Variants in SV2B observed in about 807,000 individuals in gnomAD.
SV2B encodes the protein solute carrier family 22 member B2.
Under a neutral mutation model 73.9 loss-of-function variants are expected in SV2B, and 41 were observed. The observed-to-expected ratio is 0.56, with a 90% CI of 0.43 to 0.72. SV2B has a LOEUF of 0.72. Ranked by LOEUF, SV2B falls within the 30% of genes least tolerant of loss-of-function variation. SV2B has a pLI of 0.00. For missense variants in SV2B, 764 were observed against 857.8 expected (o/e 0.89, Z 1.37); for synonymous variants, 314 against 314.2 (o/e 1.00, Z 0.01).
At position 91,197,565 on chromosome 15, in the gene SV2B, C is replaced by CAAACA. The variant is rs1555482200; in HGVS notation, c.-391-28294_-391-28290dup. Among the ~76,000 whole-genome samples, 2 of 150,684 alleles carry CAAACA rather than the reference C, an allele frequency of 1.3e-5. No individual in the cohort carries two copies. The highest frequency in any genetic ancestry group is 1.9e-4 in the East Asian group (1 of 5,172). ...GAAGAAAAAAAAAACCAAACCAAAC[C>CAAACA]AAACAAAACAAAACAAAATCACTGT... On this transcript the variant is annotated intron_variant, in intron 1 of 12. Transcript: ENST00000394232. The surrounding 1 kb of genome is among the most constrained non-coding windows in gnomAD (Gnocchi z 4.9).
rs2041894258 is a variant in SV2B at position 91,106,723 on chromosome 15, G to GT, written c.-392+6361dup. On this transcript the variant is annotated intron_variant, in intron 1 of 12. Transcript: ENST00000394232. This position sits in a 1 kb window ranked among gnomAD's most constrained non-coding sequence, Gnocchi z 4.4. ...AGGGAGGTGGCTGAAATTCAGGGGT[G>GT]TGATGTTCTTGGGTTATTATTGTAC... Among the ~76,000 whole-genome samples, 1 of 152,200 alleles carries GT rather than the reference G, an allele frequency of 6.6e-6. No homozygotes were observed.
intron 1 of SV2B, among the ~76,000 whole-genome samples, chr15:91,147,965 C>CTTTTTTTTTTTTTT (rs60896008): frequency 7.6e-5 from 3 of 39,298 alleles, no homozygotes; most frequent in African/African-American, 1.0e-4. Flanking sequence ...CCCCCCCCAA[C>CTTTTTTTTTTTTTT]TTTTTTTTTT....
At chr15:91,185,869 G>C (rs2044750753) in intron 1 of SV2B, among the ~76,000 whole-genome samples, 1 of 152,162 alleles carries the variant, frequency 6.6e-6, no homozygotes, top group Non-Finnish European at 1.5e-5. Flanking sequence ...CTGGTCCCAA[G>C]CTCCACATCA....
At chr15:91,142,051 G>C (rs1425418454) in intron 1 of SV2B, among the ~76,000 whole-genome samples, 1 of 152,116 alleles carries the variant, frequency 6.6e-6, no homozygotes, top group Non-Finnish European at 1.5e-5. Flanking sequence ...TGAACCCTAA[G>C]AGCTGGATAT....
chr15:91,128,480 A>C lies in SV2B; in HGVS notation c.-392+28117A>C, dbSNP rs2042550878. On this transcript the variant is annotated intron_variant, in intron 1 of 12. Transcript: ENST00000394232. The surrounding 1 kb of genome is among the most constrained non-coding windows in gnomAD (Gnocchi z 4.2). ...TATTGGCGCTCAGAAAACAATATCC[A>C]AAAATGAAGGCCTCAGAAGCGAAAG... Among the ~76,000 whole-genome samples the C allele has an allele frequency of 6.6e-6, 1 of 152,190 alleles. No homozygotes were observed. The highest frequency in any genetic ancestry group is 6.5e-5 in the Admixed American group (1 of 15,288).
intron 1 of SV2B, among the ~76,000 whole-genome samples, chr15:91,163,413 T>C (rs186530425): frequency 6.6e-5 from 10 of 152,322 alleles, no homozygotes; most frequent in Non-Finnish European, 1.2e-4. Context: ...CTCCACATCC[T>C]CTCCAGTACC....
Position 91,268,966 on chromosome 15 carries a change from G to C in SV2B, c.1373+361G>C, listed in dbSNP as rs1015106236. Among the ~76,000 whole-genome samples, 1 of 152,198 alleles carries C rather than the reference G, an allele frequency of 6.6e-6. No homozygotes were observed. Among genetic ancestry groups the C allele is most frequent in the Non-Finnish European group, 1.5e-5 (1 of 68,022 alleles). On this transcript the variant is annotated intron_variant, in intron 9 of 12. Transcript: ENST00000394232. The surrounding 1 kb of genome is among the most constrained non-coding windows in gnomAD (Gnocchi z 4.4). Reference sequence around the variant, plus strand: ...GCTGAGATTCCCGAACTAGTCCAAAGCCTGGGTGTTGAGCTTTTACTTTGA... The same window carrying C: ...GCTGAGATTCCCGAACTAGTCCAAACCCTGGGTGTTGAGCTTTTACTTTGA...
chr15:91,274,048 A>G (rs2048404560), intron 9 of SV2B, among the ~76,000 whole-genome samples: 2 of 152,224 alleles, frequency 1.3e-5, no homozygotes, highest in African/African-American at 2.4e-5. Flanking sequence ...AGAAAACTAT[A>G]TAACTCAATG....
intron 9 of SV2B, among the ~76,000 whole-genome samples, chr15:91,270,750 G>C (rs1211014536): frequency 1.3e-5 from 2 of 151,916 alleles, no homozygotes; most frequent in Non-Finnish European, 2.9e-5. Context: ...GAGGAAACAG[G>C]GGCTGAAGAA....
intron 2 of SV2B, among the ~76,000 whole-genome samples, chr15:91,249,613 A>C (rs1382249091): frequency 6.6e-6 from 1 of 152,236 alleles, no homozygotes; most frequent in Non-Finnish European, 1.5e-5. Context: ...AACAAAACTG[A>C]CAGACTTTTA....
intron 1 of SV2B, among the ~76,000 whole-genome samples, chr15:91,166,414 C>G (rs2043912729): frequency 6.6e-6 from 1 of 151,934 alleles, no homozygotes; most frequent in South Asian, 2.1e-4. Context: ...TATAATGTGT[C>G]TGGTCATAGT....
rs1387105473 is a variant in SV2B, at chr15:91,106,360, T to G, written c.-392+5997T>G. 1.3e-5 allele frequency among the ~76,000 whole-genome samples: 2 copies of G among 152,228 alleles called. No homozygotes were observed. The highest frequency in any genetic ancestry group is 3.8e-4 in the East Asian group (2 of 5,200). Reference sequence around the variant, plus strand: ...TTTATTTTTCCGTGAGCCAAGTCACTGCTGTATCACTAGTGCCCAGAATAT... The same window carrying G: ...TTTATTTTTCCGTGAGCCAAGTCACGGCTGTATCACTAGTGCCCAGAATAT... On this transcript the variant is annotated intron_variant, in intron 1 of 12. Transcript: ENST00000394232. The surrounding 1 kb of genome is among the most constrained non-coding windows in gnomAD (Gnocchi z 4.4).
rs1286138160 is a variant in SV2B, at chr15:91,293,074, G to T, written c.*522G>T. 6.6e-6 allele frequency: 1 copy of T among 152,454 alleles called. No individual in the cohort carries two copies. The highest frequency in any genetic ancestry group is 1.5e-5 in the Non-Finnish European group (1 of 68,270). 9.4% of individuals were successfully genotyped at this position (152,454 alleles called of 1,614,324 possible). On this transcript the variant is annotated 3_prime_UTR_variant, in exon 13 of 13. Coordinates refer to ENST00000394232, the MANE Select transcript of SV2B (RefSeq NM_001323032.3). ...TTTCCACTCGAAAATTGACATAGTA[G>T]CATTGAGGATACTCTGATCTAGAAA...
chr15:91,171,180 G>A (rs557773769), intron 1 of SV2B, among the ~76,000 whole-genome samples: 18 of 152,114 alleles, frequency 1.2e-4, no homozygotes, highest in African/African-American at 2.7e-4. Flanking sequence ...TCATGGTGTC[G>A]GGGTCCCTGG....
rs190666567 is a variant in SV2B, at chr15:91,123,430, A to T, written c.-392+23067A>T. ...ATTTTATATATAACAAATATACATA[A>T]TTTTTATTTGTCAATTAAAAGAAAG... On this transcript the variant is annotated intron_variant, in intron 1 of 12. Transcript: ENST00000394232. This position sits in a 1 kb window ranked among gnomAD's most constrained non-coding sequence, Gnocchi z 4.7. Among the ~76,000 whole-genome samples the T allele has an allele frequency of 2.6e-5, 4 of 152,320 alleles. No homozygotes were observed. The highest frequency in any genetic ancestry group is 9.6e-5 in the African/African-American group (4 of 41,576).
chr15:91,178,693 G>C (rs985385698), intron 1 of SV2B, among the ~76,000 whole-genome samples: 1 of 151,620 alleles, frequency 6.6e-6, no homozygotes, highest in Admixed American at 6.6e-5. Flanking sequence ...GGTGTTTGTA[G>C]TATTCTCTGG....
chr15:91,219,091 G>A (rs1296688219), intron 1 of SV2B, among the ~76,000 whole-genome samples: 1 of 152,092 alleles, frequency 6.6e-6, no homozygotes, highest in African/African-American at 2.4e-5. Flanking sequence ...TGGCACTACA[G>A]GTGTGCACCA....
chr15:91,169,647 A>T (rs187240474), intron 1 of SV2B, among the ~76,000 whole-genome samples: 1 of 152,322 alleles, frequency 6.6e-6, no homozygotes, highest in Non-Finnish European at 1.5e-5. Context: ...TGGAGCTTAC[A>T]TTCTAATGTG....
Position 91,122,233 on chromosome 15 carries a change from G to A in SV2B, c.-392+21870G>A, listed in dbSNP as rs542368945. On this transcript the variant is annotated intron_variant, in intron 1 of 12. Transcript: ENST00000394232. The surrounding 1 kb of genome is among the most constrained non-coding windows in gnomAD (Gnocchi z 4.3). ...CGATATATGTTCCATTAAAGCCAGG[G>A]GTGTCGTAGATGCAGGTACAATGAG... 3.9e-5 allele frequency among the ~76,000 whole-genome samples: 6 copies of A among 152,284 alleles called. No individual in the cohort carries two copies. The East Asian group carries it at 9.6e-4, about 24-fold the overall frequency.
Sources: allele counts gnomAD v4.1 joint callset (sites outside exome capture counted in the v4.1 genomes callset), GRCh38; gene constraint gnomAD v4.1.1; non-coding constraint Gnocchi (gnomAD v3.1); transcripts MANE v1.5; gene names NCBI Gene and HGNC (gene_info 2026-07-23, HGNC 2026-07-21).